Variants in DPYD observed in about 807,000 individuals in gnomAD.
The protein encoded by DPYD is dihydropyrimidine dehydrogenase, also known as dihydropyrimidine dehydrogenase [NADP(+)].
Under a neutral mutation model 116.2 loss-of-function variants are expected in DPYD, and 109 were observed. The observed-to-expected ratio is 0.94, with a 90% CI of 0.80 to 1.10. The LOEUF is 1.10. Among genes scored for constraint, DPYD ranks in the 50% least tolerant of loss-of-function variants. The probability of loss-of-function intolerance (pLI) is 0.00; values close to 1 mark genes in which losing one functional copy is unlikely to be tolerated. For synonymous variants in DPYD, 440 were observed against 432.0 expected (o/e 1.02, Z -0.23); for missense variants, 1,302 against 1,254.5 (o/e 1.04, Z -0.57).
At chr1:97,491,618 G>C (rs529814461) in intron 13 of DPYD, among the ~76,000 whole-genome samples, 1 of 152,058 alleles carries the variant, frequency 6.6e-6, no homozygotes, top group South Asian at 2.1e-4. Flanking sequence ...TTTAACAGCT[G>C]AATGATGCTG....
intron 3 of DPYD, among the ~76,000 whole-genome samples, chr1:97,821,632 C>A (rs1406936725): frequency 6.6e-6 from 1 of 152,006 alleles, no homozygotes; most frequent in Non-Finnish European, 1.5e-5. Context: ...TTCAGAAATG[C>A]TGTATAAGAT....
intron 3 of DPYD, among the ~76,000 whole-genome samples, chr1:97,799,790 C>T (rs1667759917): frequency 6.6e-6 from 1 of 151,918 alleles, no homozygotes; most frequent in Non-Finnish European, 1.5e-5. Flanking sequence ...TTTATACCTG[C>T]AGCATTGAAT....
intron 18 of DPYD, among the ~76,000 whole-genome samples, chr1:97,301,163 T>C (rs1282379783): frequency 6.6e-6 from 1 of 152,080 alleles, no homozygotes; most frequent in Non-Finnish European, 1.5e-5. Flanking sequence ...TTTACTGGAT[T>C]CTGTAATAAC....
At chr1:97,594,462 T>C (rs549316416) in intron 9 of DPYD, among the ~76,000 whole-genome samples, 2 of 152,312 alleles carry the variant, frequency 1.3e-5, no homozygotes, top group East Asian at 1.9e-4. Context: ...ATGTAATTAA[T>C]GTAGGAATAG....
chr1:97,473,120 T>C (rs1677751989), intron 13 of DPYD, among the ~76,000 whole-genome samples: 1 of 152,196 alleles, frequency 6.6e-6, no homozygotes, highest in African/African-American at 2.4e-5. Context: ...ATCTTCCAAT[T>C]TCCAACCTGC....
chr1:97,867,442 G>C (rs774038477), intron 2 of DPYD, among the ~76,000 whole-genome samples: 2 of 151,722 alleles, frequency 1.3e-5, no homozygotes, highest in African/African-American at 2.4e-5. Context: ...GAAGCCTTTA[G>C]GTAAATGAAA....
At chr1:97,908,507 C>G (rs1179189937) in intron 1 of DPYD, among the ~76,000 whole-genome samples, 2 of 152,028 alleles carry the variant, frequency 1.3e-5, no homozygotes, top group Non-Finnish European at 2.9e-5. Flanking sequence ...TTCAACTCCA[C>G]TCAATTTTTT....
intron 12 of DPYD, among the ~76,000 whole-genome samples, chr1:97,540,255 A>G (rs1186537653): frequency 6.9e-6 from 1 of 145,714 alleles, no homozygotes; most frequent in African/African-American, 2.5e-5. Context: ...AACCAGCTAT[A>G]AACTGGGATT....
chr1:97,586,613 C>A lies in DPYD; in HGVS notation c.1128+6605G>T, dbSNP rs994225867. ...GATATTCCTGGTCAACATAATGCAA[C>A]AACCTCCTTCAGAATTTTGAAAATA... On this transcript the variant is annotated intron_variant, in intron 10 of 22. Coordinates refer to ENST00000370192, the MANE Select transcript of DPYD (RefSeq NM_000110.4). Among the ~76,000 whole-genome samples, 8 of 149,538 alleles carry A rather than the reference C, an allele frequency of 5.3e-5. No individual in the cohort carries two copies. The East Asian group carries it at 1.6e-3, about 30-fold the overall frequency.
intron 16 of DPYD, among the ~76,000 whole-genome samples, chr1:97,372,475 T>C (rs1671357143): frequency 6.6e-6 from 1 of 152,180 alleles, no homozygotes; most frequent in South Asian, 2.1e-4. Context: ...TCATAGTTAC[T>C]GATCTTCTGG....
At chr1:97,138,933 C>T (rs572945541) in intron 20 of DPYD, among the ~76,000 whole-genome samples, 2 of 152,206 alleles carry the variant, frequency 1.3e-5, no homozygotes, top group Admixed American at 6.6e-5. Flanking sequence ...AGATGTATTC[C>T]ACCCTCATAA....
At chr1:97,563,881 A>C (rs1244120567) in intron 11 of DPYD, among the ~76,000 whole-genome samples, 1 of 152,154 alleles carries the variant, frequency 6.6e-6, no homozygotes, top group Non-Finnish European at 1.5e-5. Flanking sequence ...TTGGATAGTT[A>C]TTCTGCAGAA....
At chr1:97,604,998 G>T (rs1245111004) in intron 8 of DPYD, among the ~76,000 whole-genome samples, 1 of 151,976 alleles carries the variant, frequency 6.6e-6, no homozygotes, top group Non-Finnish European at 1.5e-5. Context: ...AATAATTAAA[G>T]AATCACATTT....
At chr1:97,705,773 G>A (rs1488149795) in intron 5 of DPYD, among the ~76,000 whole-genome samples, 1 of 151,418 alleles carries the variant, frequency 6.6e-6, no homozygotes, top group East Asian at 2.0e-4. Context: ...GTTCCTATTT[G>A]TCCACATCTT....
At chr1:97,681,191 T>C (rs559719154) in intron 7 of DPYD, among the ~76,000 whole-genome samples, 2 of 152,260 alleles carry the variant, frequency 1.3e-5, no homozygotes, top group South Asian at 4.1e-4. Flanking sequence ...ATAACCTTTA[T>C]TGCAGTCAAA....
At chr1:97,759,545 A>G (rs1240181357) in intron 3 of DPYD, among the ~76,000 whole-genome samples, 1 of 152,144 alleles carries the variant, frequency 6.6e-6, no homozygotes, top group Non-Finnish European at 1.5e-5. Flanking sequence ...ACATTGAAAT[A>G]TTTCTCTTAG....
rs115419704 is a variant in DPYD at position 97,467,599 on chromosome 1, A to G, written c.1741-17376T>C. ...CTTCTTTGCTTGGTGCCCTGCAATA[A>G]ATGCTTCACTCTCTCTCGCTGCTAT... On this transcript the variant is annotated intron_variant, in intron 13 of 22. Transcript: ENST00000370192. Among the ~76,000 whole-genome samples the G allele has an allele frequency of 3.9e-3, 592 of 152,228 alleles. 1 individual carries two copies. The highest frequency in any genetic ancestry group is 0.014 in the African/African-American group (561 of 41,522).
intron 20 of DPYD, among the ~76,000 whole-genome samples, chr1:97,117,537 T>C (rs546545092): frequency 6.6e-6 from 1 of 152,314 alleles, no homozygotes; most frequent in East Asian, 1.9e-4. Flanking sequence ...CAGAGACAAT[T>C]AGGAGAAAGA....
At chr1:97,694,893 G>GTTGCTA (rs1271555963) in intron 6 of DPYD, among the ~76,000 whole-genome samples, 9 of 152,120 alleles carry the variant, frequency 5.9e-5, no homozygotes, top group Non-Finnish European at 1.2e-4. Context: ...AATAGCCATA[G>GTTGCTA]TTGCTATTGA....
Sources: gnomAD v4.1 joint callset for allele counts (sites outside exome capture counted in the v4.1 genomes callset) on GRCh38, gnomAD v4.1.1 for gene constraint, MANE v1.5 for transcripts, NCBI Gene and HGNC (gene_info 2026-07-23, HGNC 2026-07-21) for gene names.